MAPKAP1: variants seen among roughly 807,000 people sequenced by gnomAD.
MAPKAP1 encodes the protein target of rapamycin complex 2 subunit MAPKAP1.
MAPKAP1 carries 20 observed loss-of-function variants against 65.7 expected under a neutral mutation model. That is an observed-to-expected ratio of 0.30 (90% CI 0.21 to 0.44). MAPKAP1 has a LOEUF of 0.44. MAPKAP1 is among the 20% of genes least tolerant of loss of function. The pLI is 1.00. For missense variants in MAPKAP1, 423 were observed against 648.0 expected, an observed-to-expected ratio of 0.65 and a Z score of 3.77; for synonymous variants, 222 against 244.3, an observed-to-expected ratio of 0.91 and a Z score of 0.85.
chr9:125,492,411 C>A (rs1215254812), intron 8 of MAPKAP1, among the ~76,000 whole-genome samples: 1 of 152,120 alleles, frequency 6.6e-6, no homozygotes, highest in Non-Finnish European at 1.5e-5. Context: ...TATAATCTGA[C>A]AACAAACACA....
At chr9:125,482,095 G>A (rs1357805670) in intron 9 of MAPKAP1, among the ~76,000 whole-genome samples, 3 of 143,186 alleles carry the variant, frequency 2.1e-5, no homozygotes, top group African/African-American at 7.9e-5. Context: ...TCAAGTCATT[G>A]CACTCCAGCC....
intron 4 of MAPKAP1, among the ~76,000 whole-genome samples, chr9:125,587,323 T>C (rs911035069): frequency 6.6e-6 from 1 of 152,206 alleles, no homozygotes; most frequent in Non-Finnish European, 1.5e-5. Flanking sequence ...CCCAGTACTT[T>C]GAGAGGCCAA....
intron 4 of MAPKAP1, among the ~76,000 whole-genome samples, chr9:125,609,036 A>C (rs1832521414): frequency 6.6e-6 from 1 of 152,230 alleles, no homozygotes; most frequent in Admixed American, 6.5e-5. Flanking sequence ...GAGTCATATC[A>C]AGAGGGAGAG....
intron 4 of MAPKAP1, among the ~76,000 whole-genome samples, chr9:125,619,446 C>T (rs993131094): frequency 1.3e-5 from 2 of 151,596 alleles, no homozygotes; most frequent in African/African-American, 2.4e-5. Flanking sequence ...CACTTCACTC[C>T]GGCCTGGGCG....
At chr9:125,673,130 G>A (rs1834542150) in intron 1 of MAPKAP1, among the ~76,000 whole-genome samples, 1 of 152,198 alleles carries the variant, frequency 6.6e-6, no homozygotes, top group African/African-American at 2.4e-5. Flanking sequence ...AATGCTTTCA[G>A]AGTTACTAGG....
At chr9:125,503,709 C>A (rs1241681578) in intron 8 of MAPKAP1, among the ~76,000 whole-genome samples, 1 of 151,250 alleles carries the variant, frequency 6.6e-6, no homozygotes. Flanking sequence ...AAGATAATTT[C>A]TTTTTTCTTT....
At chr9:125,625,278 A>T (rs1258432013) in intron 4 of MAPKAP1, among the ~76,000 whole-genome samples, 21 of 148,352 alleles carry the variant, frequency 1.4e-4, no homozygotes, top group Non-Finnish European at 2.5e-4. Context: ...AAAAAAAAAA[A>T]AACAAGGGAG....
At position 125,438,724 on chromosome 9, in the gene MAPKAP1, T is replaced by C; in HGVS notation, c.*163A>G. 1 of 879,430 alleles carries C rather than the reference T, an allele frequency of 1.1e-6. No homozygotes were observed. The highest frequency in any genetic ancestry group is 1.7e-6 in the Non-Finnish European group (1 of 574,160). 54.5% of individuals were successfully genotyped at this position (879,430 alleles called of 1,614,324 possible). A position where few individuals can be genotyped will look rare whatever the true frequency, so the allele number is the denominator to read the frequency against. ...TGGCAATGTCCCCAGCGCTCCCTCC[T>C]AGGGGGCCCCCGACACCTTCCCCGA... On this transcript the variant is annotated 3_prime_UTR_variant, in exon 12 of 12. Coordinates refer to ENST00000265960, the MANE Select transcript of MAPKAP1 (RefSeq NM_001006617.3).
At chr9:125,651,671 A>G (rs1833897167) in intron 4 of MAPKAP1, among the ~76,000 whole-genome samples, 1 of 152,200 alleles carries the variant, frequency 6.6e-6, no homozygotes, top group African/African-American at 2.4e-5. Flanking sequence ...AACAGCTCCT[A>G]ATTCAAAATA....
chr9:125,702,302 A>G (rs1327318439), intron 1 of MAPKAP1, among the ~76,000 whole-genome samples: 1 of 152,164 alleles, frequency 6.6e-6, no homozygotes, highest in Non-Finnish European at 1.5e-5. Context: ...TGGGAGGCCA[A>G]GGCAGGTGGA....
At chr9:125,585,473 G>GA in intron 5 of MAPKAP1, 82 bp downstream of exon 5, 1 of 1,489,194 alleles carries the variant, frequency 6.7e-7, no homozygotes, top group Non-Finnish European at 9.2e-7. Context: ...CCAATGCCTA[G>GA]AAAGACTAAC....
chr9:125,657,161 A>G (rs1834055336), intron 4 of MAPKAP1, among the ~76,000 whole-genome samples: 2 of 152,170 alleles, frequency 1.3e-5, no homozygotes, highest in Non-Finnish European at 2.9e-5. Flanking sequence ...AACCACTTTC[A>G]AGGCTTTCCC....
intron 6 of MAPKAP1, 91 bp from the exon 7 acceptor site, chr9:125,543,259 G>T (rs552747206): frequency 2.9e-5 from 27 of 929,530 alleles, no homozygotes; most frequent in South Asian, 7.2e-5. Flanking sequence ...AGTTTTTTTT[G>T]TTGTTGTTTG....
rs898352115 is a variant in MAPKAP1 at position 125,496,119 on chromosome 9, CAAA to C, written c.1066+10188_1066+10190del. ...TTTGCAGCAGGGGAAATGAGGCCCA[CAAA>C]GAAGGAGGACTTGTACAAGGTTACA... On this transcript the variant is annotated intron_variant, in intron 8 of 11. Transcript: ENST00000265960. Among the ~76,000 whole-genome samples, 22 of 152,284 alleles carry C rather than the reference CAAA, an allele frequency of 1.4e-4. No individual in the cohort carries two copies. In the Middle Eastern group the frequency reaches 0.01, roughly 71 times the overall value.
At chr9:125,648,824 C>T (rs1554836556) in intron 4 of MAPKAP1, among the ~76,000 whole-genome samples, 1 of 151,932 alleles carries the variant, frequency 6.6e-6, no homozygotes, top group Non-Finnish European at 1.5e-5. Context: ...ACCTGTAATC[C>T]CAGCTACTTG....
rs137939712 is a variant in MAPKAP1, at chr9:125,528,678, C to G, written c.958+14381G>C. ...CCTGGCCAAGATGGTGAAACCCCATCTCTACTAAAAATACAAAAATTAGCT... is the reference window on the plus strand; with the variant it reads ...CCTGGCCAAGATGGTGAAACCCCATGTCTACTAAAAATACAAAAATTAGCT... On this transcript the variant is annotated intron_variant, in intron 7 of 11. Coordinates refer to ENST00000265960, the MANE Select transcript of MAPKAP1 (RefSeq NM_001006617.3). Among the ~76,000 whole-genome samples, 658 of 149,768 alleles carry G rather than the reference C, an allele frequency of 4.4e-3. 7 individuals are homozygous for G. The highest frequency in any genetic ancestry group is 0.015 in the African/African-American group (617 of 40,674).
At chr9:125,452,035 C>T (rs922850661) in intron 10 of MAPKAP1, among the ~76,000 whole-genome samples, 1 of 151,786 alleles carries the variant, frequency 6.6e-6, no homozygotes, top group Non-Finnish European at 1.5e-5. Flanking sequence ...GTCTTGAACT[C>T]CTGACCTTGG....
At chr9:125,662,308 G>C (rs897308992) in intron 3 of MAPKAP1, among the ~76,000 whole-genome samples, 1 of 152,180 alleles carries the variant, frequency 6.6e-6, no homozygotes, top group Non-Finnish European at 1.5e-5. Flanking sequence ...CTTGAGCCCA[G>C]GAAGTTGAGG....
Position 125,670,028 on chromosome 9 carries a change from T to C in MAPKAP1, c.260-121A>G, listed in dbSNP as rs73667030. On this transcript the variant is annotated intron_variant, in intron 2 of 11. Transcript: ENST00000265960. ...TATTGCATATGTAGAGAAAAAGTCA[T>C]AAAATTTTAAAGGTGGCACCCCTGA... 5,115 of 540,006 alleles carry C rather than the reference T, an allele frequency of 9.5e-3. 217 individuals are homozygous for C. The highest frequency in any genetic ancestry group is 0.092 in the African/African-American group (4,643 of 50,198). The allele number at this position is 540,006 out of a possible 1,614,324, so 33.5% of individuals were successfully genotyped here.
Sources: allele counts gnomAD v4.1 joint callset (sites outside exome capture counted in the v4.1 genomes callset), GRCh38; gene constraint gnomAD v4.1.1; transcripts MANE v1.5; gene names NCBI Gene and HGNC (gene_info 2026-07-23, HGNC 2026-07-21).